The following ACACA variants were observed in gnomAD, a reference collection of about 807,000 sequenced individuals.
The protein encoded by ACACA is acetyl-CoA carboxylase alpha.
In ACACA, 103 loss-of-function variants were observed where a neutral mutation model predicts 296.1. That is an observed-to-expected ratio of 0.35 (90% confidence interval 0.30 to 0.41). The LOEUF (loss-of-function observed/expected upper bound fraction) is 0.41, where lower values mean the gene tolerates loss of function less well. ACACA is among the 10% of genes least tolerant of loss of function. ACACA has a pLI of 1.00. For synonymous variants in ACACA, 953 were observed against 1,038.6 expected, an observed-to-expected ratio of 0.92 and a Z score of 1.58; for missense variants, 1,554 against 2,989.7, an observed-to-expected ratio of 0.52 and a Z score of 11.20.
intron 39 of ACACA, among the ~76,000 whole-genome samples, chr17:37,182,750 T>C (rs10908287): frequency 0.12 from 19,011 of 152,210 alleles, 1,795 homozygotes; most frequent in East Asian, 0.44. Context: ...CATTAATGAA[T>C]AGATTGTGGA....
At chr17:37,347,779 T>G (rs1393798319) in intron 1 of ACACA, among the ~76,000 whole-genome samples, 1 of 151,402 alleles carries the variant, frequency 6.6e-6, no homozygotes, top group Non-Finnish European at 1.5e-5. Flanking sequence ...AAAAAAAATT[T>G]TTTAACAAGA....
intron 25 of ACACA, among the ~76,000 whole-genome samples, chr17:37,230,488 C>G (rs1014500191): frequency 1.3e-5 from 2 of 152,150 alleles, no homozygotes; most frequent in Admixed American, 1.3e-4. Context: ...TTAGTCTATT[C>G]TGACTTGGAA....
intron 1 of ACACA, among the ~76,000 whole-genome samples, chr17:37,397,751 C>T (rs1246853580): frequency 6.6e-6 from 1 of 152,142 alleles, no homozygotes; most frequent in Non-Finnish European, 1.5e-5. Context: ...CATGTTTATA[C>T]TGAAATTTCA....
At chr17:37,276,986 T>C (rs377576640) in intron 7 of ACACA, 47 bp downstream of exon 7, 59 of 1,549,198 alleles carry the variant, frequency 3.8e-5, no homozygotes, top group Non-Finnish European at 3.7e-5. Flanking sequence ...GTGGGCAAAA[T>C]TGACAGAAAG....
In ACACA at chr17:37,336,115, G is replaced by A. The variant is rs144590830; in HGVS notation, c.85+3689C>T. 3.2e-3 allele frequency among the ~76,000 whole-genome samples: 488 copies of A among 152,214 alleles called. 6 individuals carry two copies. The highest frequency in any genetic ancestry group is 4.4e-3 in the Non-Finnish European group (296 of 68,008). Reference sequence around the variant, plus strand: ...GTTTGTCTTTTCCAGAATCGAAGCAGTAAAACTACAAATCGTTCTTCAAAT... The same window carrying A: ...GTTTGTCTTTTCCAGAATCGAAGCAATAAAACTACAAATCGTTCTTCAAAT... On this transcript the variant is annotated intron_variant, in intron 2 of 55. Transcript: ENST00000616317.
chr17:37,310,867 G>A (rs9630753), intron 3 of ACACA, among the ~76,000 whole-genome samples: 3,601 of 151,320 alleles, frequency 0.024, 130 homozygotes, highest in African/African-American at 0.083. Context: ...ACCAAGCAAT[G>A]AAAGTATTCA....
At chr17:37,141,738 C>A (rs1476841019) in intron 45 of ACACA, among the ~76,000 whole-genome samples, 1 of 151,752 alleles carries the variant, frequency 6.6e-6, no homozygotes, top group Non-Finnish European at 1.5e-5. Flanking sequence ...TTTGCCCAGG[C>A]TGGAGTGCAA....
chr17:37,365,979 T>C (rs942311485), intron 1 of ACACA, among the ~76,000 whole-genome samples: 4 of 152,180 alleles, frequency 2.6e-5, no homozygotes, highest in Admixed American at 1.3e-4. Flanking sequence ...TTCTAAGTCC[T>C]ACACACCTCA....
At chr17:37,401,201 T>C (rs1283561508) in intron 1 of ACACA, among the ~76,000 whole-genome samples, 1 of 150,926 alleles carries the variant, frequency 6.6e-6, no homozygotes, top group African/African-American at 2.4e-5. Context: ...TTTTTCTTTT[T>C]TTTTTTTTTT....
At chr17:37,346,632 G>A (rs1032100333) in intron 1 of ACACA, among the ~76,000 whole-genome samples, 2 of 150,052 alleles carry the variant, frequency 1.3e-5, no homozygotes, top group Non-Finnish European at 3.0e-5. Flanking sequence ...AACCTGAAAG[G>A]TGGAGCTTGC....
intron 3 of ACACA, among the ~76,000 whole-genome samples, chr17:37,318,557 G>A (rs1439315989): frequency 5.9e-5 from 9 of 152,116 alleles, no homozygotes; most frequent in Admixed American, 5.2e-4. Flanking sequence ...ATTTTCAATA[G>A]TGGTTATTCT....
intron 55 of ACACA, among the ~76,000 whole-genome samples, chr17:37,088,311 T>C (rs2072362418): frequency 2.6e-5 from 4 of 152,184 alleles, no homozygotes; most frequent in Admixed American, 2.6e-4. Flanking sequence ...CCATGATATA[T>C]GTAACACCCT....
intron 41 of ACACA, among the ~76,000 whole-genome samples, chr17:37,166,952 A>AT (rs957400947): frequency 2.3e-4 from 34 of 148,866 alleles, no homozygotes; most frequent in East Asian, 1.2e-3. Context: ...TTGTTTACTT[A>AT]TTTTTTTTTT....
chr17:37,186,930 A>G (rs2077559026), intron 39 of ACACA, among the ~76,000 whole-genome samples: 1 of 152,174 alleles, frequency 6.6e-6, no homozygotes, highest in Non-Finnish European at 1.5e-5. Flanking sequence ...AGTTATGAAG[A>G]ACAAACATAT....
rs12451927 is a variant in ACACA at position 37,086,603 on chromosome 17, C to T, written c.*713G>A. ...GAGAGGCAGGCCAACAACTACCTTT[C>T]CCTTTGTCCTCAGAGACTGAACCCA... On this transcript the variant is annotated 3_prime_UTR_variant, in exon 56 of 56. Transcript: ENST00000616317. The T allele has an allele frequency of 0.033, 5,089 of 152,972 alleles. 212 individuals carry two copies. The highest frequency in any genetic ancestry group is 0.13 in the Admixed American group (1,961 of 15,398). The allele number at this position is 152,972 out of a possible 1,614,324, so 9.5% of individuals were successfully genotyped here.
At chr17:37,174,010 ATATATATATATTTTTT>A in intron 41 of ACACA, among the ~76,000 whole-genome samples, 1 of 12,182 alleles carries the variant, frequency 8.2e-5, no homozygotes, top group Non-Finnish European at 1.3e-4. Flanking sequence ...ATATATATAT[ATATATATATATTTTTT>A]TTTTTTTTTT....
At chr17:37,275,495 CAAAAAA>C (rs34064045) in intron 8 of ACACA, among the ~76,000 whole-genome samples, 5 of 61,658 alleles carry the variant, frequency 8.1e-5, no homozygotes, top group African/African-American at 2.0e-4. Flanking sequence ...GACTCCAACT[CAAAAAA>C]AAAAAAAAAA....
intron 50 of ACACA, among the ~76,000 whole-genome samples, chr17:37,118,358 G>A (rs2074357732): frequency 6.6e-6 from 1 of 152,084 alleles, no homozygotes; most frequent in Admixed American, 6.5e-5. Flanking sequence ...ACACAACACT[G>A]TGAATGTATT....
intron 45 of ACACA, among the ~76,000 whole-genome samples, chr17:37,138,236 G>A (rs1287458702): frequency 6.6e-6 from 1 of 152,194 alleles, no homozygotes; most frequent in African/African-American, 2.4e-5. Context: ...AAGGGACATA[G>A]CTAGATTTGG....
Sources: gnomAD v4.1 joint callset for allele counts (sites outside exome capture counted in the v4.1 genomes callset) on GRCh38, gnomAD v4.1.1 for gene constraint, MANE v1.5 for transcripts, NCBI Gene and HGNC (gene_info 2026-07-23, HGNC 2026-07-21) for gene names.